DLGAP1: variants seen among roughly 807,000 people sequenced by gnomAD.
DLGAP1 encodes the protein disks large-associated protein 1.
A neutral mutation model predicts 90.8 loss-of-function variants in DLGAP1; 11 were observed. The ratio of observed to expected loss-of-function variants is 0.12; its 90% CI spans 0.08 to 0.20. The LOEUF is 0.20. Among genes scored for constraint, DLGAP1 ranks in the 10% least tolerant of loss-of-function variants. The pLI is 1.00. For synonymous variants in DLGAP1, 558 were observed against 540.7 expected, an observed-to-expected ratio of 1.03 and a Z score of -0.44; for missense variants, 1,050 against 1,333.8, an observed-to-expected ratio of 0.79 and a Z score of 3.31.
chr18:4,204,284 G>T (rs374611541), intron 1 of DLGAP1, among the ~76,000 whole-genome samples: 1 of 152,132 alleles, frequency 6.6e-6, no homozygotes, highest in Non-Finnish European at 1.5e-5. Flanking sequence ...AAACACAGCA[G>T]ATTGCTTCGC....
intron 1 of DLGAP1, among the ~76,000 whole-genome samples, chr18:4,165,253 G>T (rs1020385634): frequency 1.3e-5 from 2 of 152,152 alleles, no homozygotes; most frequent in South Asian, 2.1e-4. Flanking sequence ...CTGTCTCTAG[G>T]GAGGCAGCAA....
At chr18:4,031,177 A>T (rs1252843451) in intron 2 of DLGAP1, among the ~76,000 whole-genome samples, 1 of 152,176 alleles carries the variant, frequency 6.6e-6, no homozygotes, top group Non-Finnish European at 1.5e-5. Context: ...AAGTCAGTTC[A>T]ATAACAAAGA....
intron 4 of DLGAP1, among the ~76,000 whole-genome samples, chr18:3,823,364 G>A (rs545517597): frequency 2.6e-5 from 4 of 152,228 alleles, no homozygotes; most frequent in African/African-American, 4.8e-5. Context: ...AGGACTTGTC[G>A]GTAGCCATTT....
intron 8 of DLGAP1, among the ~76,000 whole-genome samples, chr18:3,581,441 A>G (rs2055503831): frequency 6.6e-6 from 1 of 152,148 alleles, no homozygotes; most frequent in Admixed American, 6.5e-5. Context: ...AAAGGCAGGC[A>G]GGCACCAAGA....
At chr18:3,603,303 C>T (rs2057165962) in intron 7 of DLGAP1, 1 of 151,744 alleles carries the variant, frequency 6.6e-6, no homozygotes, top group South Asian at 2.1e-4. Flanking sequence ...TTATAGTAAA[C>T]TGAAATTGCC....
chr18:3,540,881 G>A (rs139626021), intron 9 of DLGAP1, among the ~76,000 whole-genome samples: 1 of 152,310 alleles, frequency 6.6e-6, no homozygotes, highest in Non-Finnish European at 1.5e-5. Context: ...GAGAGTGGAC[G>A]TGTTGTCATC....
intron 3 of DLGAP1, among the ~76,000 whole-genome samples, chr18:3,916,490 A>G (rs895034221): frequency 6.6e-6 from 1 of 152,196 alleles, no homozygotes; most frequent in Non-Finnish European, 1.5e-5. Context: ...AAGCTCTCAT[A>G]GTCATAACCT....
intron 2 of DLGAP1, among the ~76,000 whole-genome samples, chr18:4,044,322 A>G (rs1208392984): frequency 2.6e-5 from 4 of 152,208 alleles, no homozygotes; most frequent in African/African-American, 9.7e-5. Context: ...TGTAACTTCC[A>G]ACAGTAAAAA....
chr18:3,661,507 G>T (rs2059678819), intron 7 of DLGAP1, among the ~76,000 whole-genome samples: 1 of 151,758 alleles, frequency 6.6e-6, no homozygotes, highest in Non-Finnish European at 1.5e-5. Flanking sequence ...GCCACATGCA[G>T]ACACTCATAA....
chr18:3,595,032 G>A (rs898852140), intron 7 of DLGAP1, among the ~76,000 whole-genome samples: 6 of 152,110 alleles, frequency 3.9e-5, no homozygotes, highest in Non-Finnish European at 7.3e-5. Flanking sequence ...TCTATGTGGC[G>A]GGAAACACCC....
At chr18:4,310,004 G>A (rs1437216172) in intron 1 of DLGAP1, among the ~76,000 whole-genome samples, 2 of 152,116 alleles carry the variant, frequency 1.3e-5, no homozygotes, top group East Asian at 3.9e-4. Context: ...CCCACTCCAG[G>A]CTAGACTTGA....
intron 4 of DLGAP1, among the ~76,000 whole-genome samples, chr18:3,831,084 G>A (rs1194251599): frequency 6.6e-6 from 1 of 152,196 alleles, no homozygotes; most frequent in East Asian, 1.9e-4. Context: ...GAAGTTGCTG[G>A]TGCATGTGTG....
chr18:3,499,333 C>T lies in DLGAP1; in HGVS notation c.2786G>A (p.Arg929Gln), dbSNP rs1348824439. ...CTGCGAGCTCTCCAGCGAGCGCTCC[C>T]GGATCAGCGGCGCGGGGCCCTTCGC... Reference protein sequence around the residue: ...KPAKGPAPLIRERSLESSQRQ... With the variant: ...KPAKGPAPLIQERSLESSQRQ... Residue 929 changes from arginine to glutamine, a missense_variant, in exon 13 of 13, where the codon CGG becomes CAG. By Grantham distance (43) the Arg-to-Gln change is conservative. Around this residue, in one of 2 missense-constraint regions of DLGAP1, gnomAD observed 565 missense variants for 879.7 expected, o/e 0.64. Transcript: ENST00000315677. The surrounding 1 kb of genome is among the most constrained non-coding windows in gnomAD (Gnocchi z 6.4). 3 of 1,561,912 alleles carry T rather than the reference C, an allele frequency of 1.9e-6. No individual in the cohort carries two copies. Among genetic ancestry groups the T allele is most frequent in the Non-Finnish European group, 2.6e-6 (3 of 1,154,158 alleles).
chr18:3,988,539 T>A (rs970161816), intron 3 of DLGAP1, among the ~76,000 whole-genome samples: 1 of 152,074 alleles, frequency 6.6e-6, no homozygotes. Flanking sequence ...GCAACCTAGA[T>A]CCCTTGCATG....
intron 7 of DLGAP1, among the ~76,000 whole-genome samples, chr18:3,661,511 C>T (rs892470690): frequency 9.9e-5 from 15 of 151,612 alleles, no homozygotes; most frequent in African/African-American, 3.4e-4. Flanking sequence ...CATGCAGACA[C>T]TCATAAACAT....
intron 2 of DLGAP1, among the ~76,000 whole-genome samples, chr18:4,142,522 A>T (rs2076511946): frequency 6.6e-6 from 1 of 152,244 alleles, no homozygotes; most frequent in Non-Finnish European, 1.5e-5. Flanking sequence ...TTCCACAAAT[A>T]GATTTTAGTA....
intron 3 of DLGAP1, among the ~76,000 whole-genome samples, chr18:3,904,826 T>A (rs59847201): frequency 0.01 from 1,572 of 152,286 alleles, 29 homozygotes; most frequent in African/African-American, 0.036. Context: ...CTTTCAAGAC[T>A]TACTTTGGAT....
At chr18:4,064,774 C>T (rs1346235922) in intron 2 of DLGAP1, among the ~76,000 whole-genome samples, 1 of 151,946 alleles carries the variant, frequency 6.6e-6, no homozygotes, top group Admixed American at 6.6e-5. Flanking sequence ...CAAAGAAGAG[C>T]CAGTATATTC....
intron 7 of DLGAP1, among the ~76,000 whole-genome samples, chr18:3,588,945 G>A (rs2145510988): frequency 6.6e-6 from 1 of 152,298 alleles, no homozygotes; most frequent in Non-Finnish European, 1.5e-5. Flanking sequence ...CACTTTAGGA[G>A]GCCAAGGCAG....
Sources: gnomAD v4.1 joint callset for allele counts (sites outside exome capture counted in the v4.1 genomes callset) on GRCh38, gnomAD v4.1.1 for gene constraint, gnomAD v4.1.1 regional missense constraint, Gnocchi (gnomAD v3.1) non-coding constraint, MANE v1.5 for transcripts, NCBI Gene and HGNC (gene_info 2026-07-23, HGNC 2026-07-21) for gene names.